The following PTPRD variants were observed in gnomAD, a reference collection of about 807,000 sequenced individuals.
PTPRD encodes the protein protein tyrosine phosphatase receptor type D.
A neutral mutation model predicts 214.5 loss-of-function variants in PTPRD; 34 were observed. The ratio of observed to expected loss-of-function variants is 0.16; its 90% CI spans 0.12 to 0.21. PTPRD has a LOEUF of 0.21. Ranked by LOEUF, PTPRD falls within the 10% of genes least tolerant of loss-of-function variation. PTPRD has a pLI of 1.00. For missense variants in PTPRD, 2,545 were observed against 2,398.7 expected (o/e 1.06, Z -1.27); for synonymous variants, 1,128 against 845.7 (o/e 1.33, Z -5.79).
intron 2 of PTPRD, among the ~76,000 whole-genome samples, chr9:10,432,413 G>C (rs541111632): frequency 6.6e-6 from 1 of 151,604 alleles, no homozygotes; most frequent in Non-Finnish European, 1.5e-5. Flanking sequence ...ATGTGCACAT[G>C]TACCCTAAAA....
intron 33 of PTPRD, among the ~76,000 whole-genome samples, chr9:8,459,142 A>G (rs1314491838): frequency 2.0e-5 from 3 of 152,066 alleles, no homozygotes; most frequent in African/African-American, 7.2e-5. Context: ...CAGAAGAGCA[A>G]GGGAGTGAGG....
At chr9:9,332,496 A>C (rs939205645) in intron 9 of PTPRD, among the ~76,000 whole-genome samples, 6 of 151,958 alleles carry the variant, frequency 3.9e-5, no homozygotes, top group Non-Finnish European at 7.4e-5. Context: ...CAAATATAGA[A>C]AGTAAATGCG....
intron 7 of PTPRD, among the ~76,000 whole-genome samples, chr9:9,628,430 C>T (rs1311537351): frequency 7.2e-5 from 11 of 152,224 alleles, no homozygotes; most frequent in African/African-American, 2.6e-4. Context: ...ATACATCTTT[C>T]AGAATCCATT....
intron 14 of PTPRD, among the ~76,000 whole-genome samples, chr9:8,585,440 T>G (rs1219771040): frequency 6.6e-6 from 1 of 152,208 alleles, no homozygotes. Flanking sequence ...TTTGAGATTT[T>G]CGCTATGGAC....
intron 3 of PTPRD, among the ~76,000 whole-genome samples, chr9:10,332,841 G>A (rs963998596): frequency 6.6e-6 from 1 of 151,676 alleles, no homozygotes; most frequent in Non-Finnish European, 1.5e-5. Context: ...GCTTTGTCCC[G>A]AATCTCTAAG....
At chr9:10,090,919 TACAC>T (rs1162698970) in intron 3 of PTPRD, among the ~76,000 whole-genome samples, 2,815 of 99,546 alleles carry the variant, frequency 0.028, 40 homozygotes, top group Middle Eastern at 0.045. Flanking sequence ...AAATGAAATA[TACAC>T]ACACACACAC....
intron 3 of PTPRD, among the ~76,000 whole-genome samples, chr9:10,069,328 C>T (rs745727892): frequency 3.9e-4 from 60 of 152,012 alleles, no homozygotes; most frequent in Non-Finnish European, 6.8e-4. Flanking sequence ...CTTTGTGATA[C>T]TCCATTACAG....
At chr9:8,499,169 A>C (rs2097341928) in intron 25 of PTPRD, among the ~76,000 whole-genome samples, 1 of 152,198 alleles carries the variant, frequency 6.6e-6, no homozygotes, top group African/African-American at 2.4e-5. Context: ...TTTGATGAAG[A>C]AGTACTAAAT....
At chr9:10,542,380 C>T (rs925238791) in intron 2 of PTPRD, among the ~76,000 whole-genome samples, 3 of 152,118 alleles carry the variant, frequency 2.0e-5, no homozygotes, top group Non-Finnish European at 4.4e-5. Context: ...AAGTACAAAA[C>T]ATAAATCTTA....
chr9:9,702,886 T>C (rs963529804), intron 7 of PTPRD, among the ~76,000 whole-genome samples: 2 of 152,184 alleles, frequency 1.3e-5, no homozygotes, highest in African/African-American at 4.8e-5. Context: ...ACTCTATTTG[T>C]ATAGGGTGAA....
At chr9:8,728,067 G>C (rs992912921) in intron 12 of PTPRD, among the ~76,000 whole-genome samples, 12 of 151,972 alleles carry the variant, frequency 7.9e-5, no homozygotes, top group Admixed American at 6.6e-4. Context: ...GACCAATATG[G>C]AGAAACCCTG....
chr9:10,537,417 A>T (rs2058081150), intron 2 of PTPRD, among the ~76,000 whole-genome samples: 1 of 152,108 alleles, frequency 6.6e-6, no homozygotes, highest in Admixed American at 6.6e-5. Context: ...TGTTGTACTT[A>T]TTTTTATAAT....
chr9:9,863,292 T>C (rs1168464351), intron 5 of PTPRD, among the ~76,000 whole-genome samples: 1 of 152,152 alleles, frequency 6.6e-6, no homozygotes, highest in Non-Finnish European at 1.5e-5. Context: ...CTATTTGAGA[T>C]ACATTCTAAA....
intron 11 of PTPRD, among the ~76,000 whole-genome samples, chr9:8,981,544 T>C (rs930783839): frequency 6.6e-6 from 1 of 152,018 alleles, no homozygotes; most frequent in African/African-American, 2.4e-5. Flanking sequence ...CTAGGAATCT[T>C]TGTGGAGTGA....
intron 2 of PTPRD, among the ~76,000 whole-genome samples, chr9:10,413,715 G>C (rs7032323): frequency 6.6e-6 from 1 of 151,572 alleles, no homozygotes; most frequent in Non-Finnish European, 1.5e-5. Flanking sequence ...ACTACACTAC[G>C]TGGCTACAGT....
At chr9:9,916,098 A>C (rs1413202278) in intron 5 of PTPRD, among the ~76,000 whole-genome samples, 2 of 134,084 alleles carry the variant, frequency 1.5e-5, no homozygotes, top group African/African-American at 5.2e-5. Context: ...AAAAAACAAA[A>C]AACTGTCAGC....
intron 3 of PTPRD, among the ~76,000 whole-genome samples, chr9:10,174,626 A>T (rs1593173115): frequency 6.6e-6 from 1 of 152,030 alleles, no homozygotes; most frequent in Non-Finnish European, 1.5e-5. Flanking sequence ...TTGGAATTTA[A>T]ATTTTTTTAC....
chr9:10,296,374 C>G (rs1410213644), intron 3 of PTPRD, among the ~76,000 whole-genome samples: 1 of 152,034 alleles, frequency 6.6e-6, no homozygotes. Context: ...CCTCACCCAG[C>G]CATGCCTCTC....
At chr9:9,120,565 G>C (rs963965689) in intron 10 of PTPRD, among the ~76,000 whole-genome samples, 1 of 152,212 alleles carries the variant, frequency 6.6e-6, no homozygotes, top group Admixed American at 6.5e-5. Context: ...AACATTTGCA[G>C]AGTTCCTGAG....
Sources: allele counts gnomAD v4.1 joint callset (sites outside exome capture counted in the v4.1 genomes callset), GRCh38; gene constraint gnomAD v4.1.1; transcripts MANE v1.5; gene names NCBI Gene and HGNC (gene_info 2026-07-23, HGNC 2026-07-21).